Variants in EMSY observed in about 807,000 individuals in gnomAD.
EMSY encodes the protein BRCA2-interacting transcriptional repressor EMSY.
In EMSY, 26 loss-of-function variants were observed where a neutral mutation model predicts 134.6. The observed-to-expected ratio is 0.19, with a 90% CI of 0.14 to 0.27. The LOEUF is 0.27. Among genes scored for constraint, EMSY ranks in the 10% least tolerant of loss-of-function variants. The probability of loss-of-function intolerance (pLI) is 1.00; values close to 1 mark genes in which losing one functional copy is unlikely to be tolerated. For missense variants in EMSY, 1,305 were observed against 1,611.4 expected (o/e 0.81, Z 3.26); for synonymous variants, 579 against 577.8 (o/e 1.00, Z -0.03).
intron 6 of EMSY, among the ~76,000 whole-genome samples, chr11:76,461,258 G>A (rs1341356406): frequency 2.0e-5 from 3 of 152,100 alleles, no homozygotes; most frequent in African/African-American, 7.2e-5. Context: ...TTCTCAATAT[G>A]GTTATAAACT....
chr11:76,456,284 T>A (rs544452954), intron 4 of EMSY, among the ~76,000 whole-genome samples: 1 of 152,250 alleles, frequency 6.6e-6, no homozygotes, highest in Non-Finnish European at 1.5e-5. Context: ...TGAGCATGTT[T>A]GCATGAGTAG....
intron 3 of EMSY, 93 bp from the exon 4 acceptor site, chr11:76,453,221 T>TC: frequency 8.8e-7 from 1 of 1,136,884 alleles, no homozygotes; most frequent in South Asian, 1.4e-5. Flanking sequence ...TTGTCCCCCT[T>TC]CTCCCCCCAA....
At position 76,545,782 on chromosome 11, in the gene EMSY, C is replaced by CCAATT; in HGVS notation, c.3274-14_3274-10dup. ...AGATGTAGCTATAACACACACAACC[C>CCAATT]CAATTTATTTTCAGGTGGAGCAGCC... On this transcript the variant is annotated splice_polypyrimidine_tract_variant and intron_variant, in intron 19 of 20. Coordinates refer to ENST00000334736, the Ensembl canonical transcript of EMSY. 1.9e-6 allele frequency: 3 copies of CCAATT among 1,587,464 alleles called. No individual in the cohort carries two copies. Among genetic ancestry groups the CCAATT allele is most frequent in the Non-Finnish European group, 2.6e-6 (3 of 1,167,572 alleles).
chr11:76,486,257 G>C (rs565745792), intron 8 of EMSY, among the ~76,000 whole-genome samples: 3 of 152,118 alleles, frequency 2.0e-5, no homozygotes, highest in African/African-American at 2.4e-5. Flanking sequence ...GTTGGCGGGT[G>C]GGGGGCAAGG....
intron 11 of EMSY, among the ~76,000 whole-genome samples, chr11:76,521,504 T>G (rs556555867): frequency 6.6e-6 from 1 of 152,276 alleles, no homozygotes; most frequent in South Asian, 2.1e-4. Flanking sequence ...GGCTCATGCC[T>G]GTAATTCCAA....
intron 6 of EMSY, among the ~76,000 whole-genome samples, chr11:76,462,387 A>G (rs1042902178): frequency 5.3e-5 from 8 of 152,226 alleles, no homozygotes; most frequent in Admixed American, 5.2e-4. Flanking sequence ...TTGAGATGTA[A>G]TTGTTTATTT....
At position 76,546,142 on chromosome 11, in the gene EMSY, T is replaced by C. The variant is rs148369584; in HGVS notation, c.3619T>C (p.Cys1207Arg). 88 of 1,614,044 alleles carry C rather than the reference T, an allele frequency of 5.5e-5. No homozygotes were observed. The African/African-American group carries it at 1.0e-3, about 19-fold the overall frequency. Residue 1207 changes from cysteine to arginine, a missense_variant, in exon 20 of 21, where the codon TGT becomes CGT. By Grantham distance (180) the Cys-to-Arg change is radical. Around this residue, in one of 7 missense-constraint regions of EMSY, gnomAD observed 664 missense variants for 763.9 expected, o/e 0.87. Transcript: ENST00000334736. ...GAATTCCACTCCCCAGCAACAGAAATGTAGAGAGTCCTGTTCGAGTCCATC... is the reference window on the plus strand; with the variant it reads ...GAATTCCACTCCCCAGCAACAGAAACGTAGAGAGTCCTGTTCGAGTCCATC...
At chr11:76,514,616 T>A (rs1163122437) in intron 10 of EMSY, among the ~76,000 whole-genome samples, 1 of 152,196 alleles carries the variant, frequency 6.6e-6, no homozygotes, top group Non-Finnish European at 1.5e-5. Context: ...ACATGAAATT[T>A]ACCATTTTCA....
At chr11:76,462,416 A>G (rs1440541872) in intron 6 of EMSY, among the ~76,000 whole-genome samples, 1 of 152,214 alleles carries the variant, frequency 6.6e-6, no homozygotes, top group Non-Finnish European at 1.5e-5. Context: ...TTGTATGTGC[A>G]AGGCACTATA....
exon 20 of EMSY, chr11:76,546,158 C>G (rs150867470): frequency 6.2e-7 from 1 of 1,614,042 alleles, no homozygotes; most frequent in African/African-American, 1.3e-5. Context: ...GAGTCCTGTT[C>G]GAGTCCATCC....
At chr11:76,528,363 G>T in exon 14 of EMSY, 1 of 1,612,726 alleles carries the variant, frequency 6.2e-7, no homozygotes, top group Non-Finnish European at 8.5e-7. Context: ...AAGCATCCAG[G>T]GTAGCAGAGG....
chr11:76,550,959 A>G (rs1951820264), exon 21 of EMSY: 1 of 152,828 alleles, frequency 6.5e-6, no homozygotes, highest in South Asian at 2.1e-4. Flanking sequence ...ATTGCGAAGC[A>G]GAGGAAAAGA....
chr11:76,507,471 A>G (rs1950118601), intron 9 of EMSY, among the ~76,000 whole-genome samples: 1 of 152,240 alleles, frequency 6.6e-6, no homozygotes, highest in South Asian at 2.1e-4. Flanking sequence ...AACTAAGTTT[A>G]TATAATACTC....
chr11:76,499,275 C>CTTTTTTT (rs777778051), intron 9 of EMSY, among the ~76,000 whole-genome samples: 5 of 69,976 alleles, frequency 7.1e-5, no homozygotes, highest in Non-Finnish European at 1.0e-4. Flanking sequence ...AATCTTATAA[C>CTTTTTTT]TTTTTTTTTT....
At chr11:76,541,157 C>T (rs1294817149) in intron 17 of EMSY, among the ~76,000 whole-genome samples, 11 of 152,150 alleles carry the variant, frequency 7.2e-5, no homozygotes, top group Admixed American at 1.3e-4. Flanking sequence ...ACCTGGGAGT[C>T]GGAAGTTGCA....
At chr11:76,526,063 A>G (rs2136328416) in intron 12 of EMSY, among the ~76,000 whole-genome samples, 1 of 152,314 alleles carries the variant, frequency 6.6e-6, no homozygotes, top group East Asian at 1.9e-4. Context: ...GATAAATTAG[A>G]AAATAAATAT....
intron 4 of EMSY, among the ~76,000 whole-genome samples, chr11:76,457,470 T>A (rs1947921032): frequency 1.3e-5 from 2 of 152,192 alleles, no homozygotes; most frequent in Non-Finnish European, 2.9e-5. Flanking sequence ...AAACTGAGAA[T>A]GGTGTTTGCT....
At chr11:76,450,762 G>C (rs1342429914) in intron 2 of EMSY, among the ~76,000 whole-genome samples, 2 of 149,512 alleles carry the variant, frequency 1.3e-5, no homozygotes, top group Non-Finnish European at 3.0e-5. Context: ...AAAGAGCTGG[G>C]ATTACAGGTG....
rs531542741 is a variant in EMSY at position 76,538,723 on chromosome 11, C to T, written c.2515+773C>T. 3.1e-4 allele frequency among the ~76,000 whole-genome samples: 47 copies of T among 152,156 alleles called. 1 individual carries two copies. The South Asian group carries it at 5.8e-3, about 19-fold the overall frequency. On this transcript the variant is annotated intron_variant, in intron 16 of 20. Transcript: ENST00000334736. The stretch of plus-strand genomic sequence containing the variant: ...CTGTAATCCCAGCATTTTGGGAGGC[C>T]GAGGCGGGCAGATTGCTTGAGGTCA...
Sources: allele counts gnomAD v4.1 joint callset (sites outside exome capture counted in the v4.1 genomes callset), GRCh38; gene constraint gnomAD v4.1.1; regional missense constraint gnomAD v4.1.1; transcripts MANE v1.5; gene names NCBI Gene and HGNC (gene_info 2026-07-23, HGNC 2026-07-21).